AGBL4: variants seen among roughly 807,000 people sequenced by gnomAD.
AGBL4 encodes cytosolic carboxypeptidase 6.
In AGBL4, 58 loss-of-function variants were observed where a neutral mutation model predicts 66.4. The observed-to-expected ratio is 0.87, with a 90% CI of 0.71 to 1.09. The LOEUF is 1.09. Ranked by LOEUF, AGBL4 falls within the 50% of genes least tolerant of loss-of-function variation. The probability of loss-of-function intolerance (pLI) is 0.00; values close to 1 mark genes in which losing one functional copy is unlikely to be tolerated. For synonymous variants in AGBL4, 234 were observed against 222.9 expected (o/e 1.05, Z -0.44); for missense variants, 579 against 631.0 (o/e 0.92, Z 0.88).
chr1:48,875,796 C>T (rs890030494), intron 5 of AGBL4, among the ~76,000 whole-genome samples: 9 of 152,178 alleles, frequency 5.9e-5, no homozygotes, highest in South Asian at 2.1e-4. Context: ...TCACAACAGC[C>T]GTTTGAGGCA....
intron 6 of AGBL4, among the ~76,000 whole-genome samples, chr1:48,751,094 G>A (rs1011790051): frequency 6.6e-6 from 1 of 152,096 alleles, no homozygotes; most frequent in African/African-American, 2.4e-5. Flanking sequence ...TCCCCTCTCT[G>A]GGCCTCAGTT....
chr1:49,133,579 T>G (rs1201289019), intron 4 of AGBL4, among the ~76,000 whole-genome samples: 1 of 152,098 alleles, frequency 6.6e-6, no homozygotes, highest in Non-Finnish European at 1.5e-5. Context: ...TTAAAAATAG[T>G]ATAATATGTA....
chr1:48,609,498 T>C (rs1429260019), intron 9 of AGBL4, among the ~76,000 whole-genome samples: 1 of 152,222 alleles, frequency 6.6e-6, no homozygotes, highest in African/African-American at 2.4e-5. Flanking sequence ...CACAGCTCAC[T>C]GCAGCCTTGA....
chr1:49,709,485 A>T (rs1647468002), intron 2 of AGBL4, among the ~76,000 whole-genome samples: 1 of 152,240 alleles, frequency 6.6e-6, no homozygotes, highest in South Asian at 2.1e-4. Flanking sequence ...AATCTAGGAA[A>T]TACCATTCAG....
chr1:48,661,945 A>G (rs1371245946), intron 7 of AGBL4, among the ~76,000 whole-genome samples: 1 of 152,198 alleles, frequency 6.6e-6, no homozygotes, highest in Non-Finnish European at 1.5e-5. Context: ...AAGAAGGCCA[A>G]AGTGAGAATG....
intron 6 of AGBL4, among the ~76,000 whole-genome samples, chr1:48,818,528 G>A (rs1229328937): frequency 6.6e-6 from 1 of 152,124 alleles, no homozygotes; most frequent in Non-Finnish European, 1.5e-5. Context: ...ACAGAGAAAT[G>A]CTTTATGCAC....
At chr1:49,288,440 C>T (rs1384304529) in intron 3 of AGBL4, among the ~76,000 whole-genome samples, 2 of 151,698 alleles carry the variant, frequency 1.3e-5, no homozygotes, top group East Asian at 1.9e-4. Flanking sequence ...TTTGCTGAAT[C>T]TGGTGAATCT....
chr1:49,470,909 C>G (rs1271173674), intron 3 of AGBL4, among the ~76,000 whole-genome samples: 1 of 152,056 alleles, frequency 6.6e-6, no homozygotes, highest in East Asian at 1.9e-4. Flanking sequence ...CTGTCTAACA[C>G]TACCGGCTCA....
intron 3 of AGBL4, among the ~76,000 whole-genome samples, chr1:49,375,566 G>C (rs1266009858): frequency 6.6e-6 from 1 of 152,104 alleles, no homozygotes; most frequent in East Asian, 1.9e-4. Context: ...AAATGTAAAT[G>C]CATTTCCTTT....
chr1:49,207,501 C>CTT (rs1308282040), intron 4 of AGBL4, among the ~76,000 whole-genome samples: 66 of 146,138 alleles, frequency 4.5e-4, no homozygotes, highest in African/African-American at 1.4e-3. Flanking sequence ...TCTTTTCTTT[C>CTT]TTTCTTTTTC....
Position 49,455,817 on chromosome 1 carries a change from A to C in AGBL4, c.283-209953T>G, listed in dbSNP as rs556986789. Among the ~76,000 whole-genome samples, 79 of 151,630 alleles carry C rather than the reference A, an allele frequency of 5.2e-4. 1 individual carries two copies. Among genetic ancestry groups the C allele is most frequent in the Non-Finnish European group, 1.0e-3 (68 of 67,756 alleles). The stretch of plus-strand genomic sequence containing the variant: ...TTGCTCATTGTGTTCAACCACACTT[A>C]CCTCACTGTTTTTGAACACATCAAA... On this transcript the variant is annotated intron_variant, in intron 3 of 13. Coordinates refer to ENST00000371839, the MANE Select transcript of AGBL4 (RefSeq NM_032785.4).
chr1:48,672,387 A>G (rs1057298914), intron 6 of AGBL4, among the ~76,000 whole-genome samples: 3 of 152,196 alleles, frequency 2.0e-5, no homozygotes, highest in Non-Finnish European at 2.9e-5. Context: ...TGTCTCATGG[A>G]TGAGGGAGCC....
At chr1:48,690,907 G>A (rs938957153) in intron 6 of AGBL4, among the ~76,000 whole-genome samples, 1 of 152,208 alleles carries the variant, frequency 6.6e-6, no homozygotes, top group South Asian at 2.1e-4. Flanking sequence ...GCTCACGCCT[G>A]TAATCCCAGC....
At chr1:49,396,893 C>T (rs1258548405) in intron 3 of AGBL4, among the ~76,000 whole-genome samples, 2 of 152,096 alleles carry the variant, frequency 1.3e-5, no homozygotes, top group African/African-American at 2.4e-5. Flanking sequence ...CCAGTGGTCC[C>T]CAACCTTTTT....
At chr1:48,606,606 G>A (rs1645157391) in intron 9 of AGBL4, among the ~76,000 whole-genome samples, 1 of 152,180 alleles carries the variant, frequency 6.6e-6, no homozygotes, top group African/African-American at 2.4e-5. Context: ...CCAAAGGGAT[G>A]CACTACATGA....
intron 6 of AGBL4, among the ~76,000 whole-genome samples, chr1:48,835,894 G>A (rs1426869576): frequency 6.6e-6 from 1 of 152,078 alleles, no homozygotes; most frequent in Non-Finnish European, 1.5e-5. Flanking sequence ...AGTATGGAAT[G>A]AATACTGGGG....
At chr1:49,396,673 T>C (rs1313758257) in intron 3 of AGBL4, among the ~76,000 whole-genome samples, 1 of 152,122 alleles carries the variant, frequency 6.6e-6, no homozygotes, top group Non-Finnish European at 1.5e-5. Flanking sequence ...AAGCAGAATA[T>C]AAAATTATAC....
rs747570894 is a variant in AGBL4, at chr1:48,553,697, C to CA, written c.1268-13960dup. Among the ~76,000 whole-genome samples the CA allele has an allele frequency of 7.8e-3, 1,160 of 149,076 alleles. 11 individuals carry two copies. The highest frequency in any genetic ancestry group is 0.023 in the African/African-American group (939 of 40,692). On this transcript the variant is annotated intron_variant, in intron 11 of 13. Transcript: ENST00000371839. ...AGTATTCATAATTTTCTACAATTTTCAAAAAAAAAATCAGCATCTTCTAAA... is the reference window on the plus strand; with the variant it reads ...AGTATTCATAATTTTCTACAATTTTCAAAAAAAAAAATCAGCATCTTCTAAA...
chr1:49,883,592 G>C (rs542230697), intron 1 of AGBL4, among the ~76,000 whole-genome samples: 1 of 152,048 alleles, frequency 6.6e-6, no homozygotes, highest in East Asian at 1.9e-4. Context: ...TCTATAAAAA[G>C]TCATTGAATT....
Sources: allele counts gnomAD v4.1 joint callset (sites outside exome capture counted in the v4.1 genomes callset), GRCh38; gene constraint gnomAD v4.1.1; transcripts MANE v1.5; gene names NCBI Gene and HGNC (gene_info 2026-07-23, HGNC 2026-07-21).